Variants in RHOC observed in about 807,000 individuals in gnomAD.
The protein encoded by RHOC is ras homolog family member C.
Under a neutral mutation model 19.5 loss-of-function variants are expected in RHOC, and 13 were observed. The ratio of observed to expected loss-of-function variants is 0.67; its 90% CI spans 0.43 to 1.06. The LOEUF (loss-of-function observed/expected upper bound fraction) is 1.06. Ranked by LOEUF, RHOC falls within the 50% of genes least tolerant of loss-of-function variation. The pLI is 0.00. For synonymous variants in RHOC, 106 were observed against 97.3 expected (o/e 1.09, Z -0.52); for missense variants, 173 against 256.9 (o/e 0.67, Z 2.23).
intron 3 of RHOC, 85 bp downstream of exon 3, chr1:112,703,559 A>G: frequency 9.4e-7 from 1 of 1,062,370 alleles, no homozygotes; most frequent in South Asian, 1.4e-5. Context: ...AGACAGGGGT[A>G]GGAATGGGGA....
chr1:112,707,114 C>G lies in RHOC; in HGVS notation c.-113G>C, dbSNP rs1674923738. On this transcript the variant is annotated 5_prime_UTR_variant, in exon 1 of 6. Transcript: ENST00000339083. The stretch of plus-strand genomic sequence containing the variant: ...CCGCCTCCAGCTGCGCGGCCGGTGC[C>G]GGAGGCTCAGACTGACCCCAGGGCC... 4 of 151,892 alleles carry G rather than the reference C, an allele frequency of 2.6e-5. No individual in the cohort carries two copies. The highest frequency in any genetic ancestry group is 2.0e-4 in the Admixed American group (3 of 15,266). The allele number at this position is 151,892 out of a possible 1,614,324, so 9.4% of individuals were successfully genotyped here.
intron 3 of RHOC, 191 bp downstream of exon 3, chr1:112,703,453 C>G (rs1674730686): frequency 5.5e-6 from 4 of 731,196 alleles, no homozygotes; most frequent in Non-Finnish European, 9.7e-6. Flanking sequence ...GGTTACAGAG[C>G]CAGTCTGTGG....
rs1282232101 is a variant in RHOC, at chr1:112,702,713, C to T, written c.278-20G>A. 1.2e-6 allele frequency: 2 copies of T among 1,613,888 alleles called. No homozygotes were observed. Among genetic ancestry groups the T allele is most frequent in the African/African-American group, 1.3e-5 (1 of 74,986 alleles). On this transcript the variant is annotated intron_variant, in intron 4 of 5. Coordinates refer to ENST00000339083, the MANE Select transcript of RHOC (RefSeq NM_175744.5). The stretch of plus-strand genomic sequence containing the variant: ...TGTTTTCTGTGTAGACATGCACCAA[C>T]AGGTGTCGGTGCCTCCACTTAAGCT...
intron 2 of RHOC, 112 bp downstream of exon 2, chr1:112,704,988 T>C (rs1370979373): frequency 3.0e-6 from 2 of 663,276 alleles, no homozygotes; most frequent in African/African-American, 3.5e-5. Flanking sequence ...GGAGTCAGCT[T>C]CCCGGGCTTC....
intron 1 of RHOC, among the ~76,000 whole-genome samples, chr1:112,706,426 T>TA (rs1557780339): frequency 1.8e-5 from 1 of 54,800 alleles, no homozygotes; most frequent in African/African-American, 6.4e-5. Flanking sequence ...TCTCTCTCTC[T>TA]CTCTACACAC....
chr1:112,702,718 G>C, intron 4 of RHOC, 25 bp from the exon 5 acceptor site: 1 of 1,613,518 alleles, frequency 6.2e-7, no homozygotes. Flanking sequence ...ACCAACAGGT[G>C]TCGGTGCCTC....
At position 112,705,159 on chromosome 1, in the gene RHOC, G is replaced by C; in HGVS notation, c.-67C>G. On this transcript the variant is annotated 5_prime_UTR_variant, in exon 2 of 6. Transcript: ENST00000339083. Reference sequence around the variant, plus strand: ...AGAGGGCGGGCTCTGGAGCTGAGATGAAGTCAAGGCTGTTGGGAAGGGGGA... The same window carrying C: ...AGAGGGCGGGCTCTGGAGCTGAGATCAAGTCAAGGCTGTTGGGAAGGGGGA... 7.1e-6 allele frequency: 5 copies of C among 702,440 alleles called. No homozygotes were observed. The highest frequency in any genetic ancestry group is 1.3e-5 in the Non-Finnish European group (5 of 384,904). The allele number at this position is 702,440 out of a possible 1,614,324, so 43.5% of individuals were successfully genotyped here.
In RHOC at chr1:112,705,080, C is replaced by T. The variant is rs1038790423; in HGVS notation, c.-8+20G>A. 2 of 702,586 alleles carry T rather than the reference C, an allele frequency of 2.8e-6. No individual in the cohort carries two copies. Among genetic ancestry groups the T allele is most frequent in the Non-Finnish European group, 5.2e-6 (2 of 384,818 alleles). The allele number at this position is 702,586 out of a possible 1,614,324, so 43.5% of individuals were successfully genotyped here. On this transcript the variant is annotated intron_variant, in intron 2 of 5. Transcript: ENST00000339083. ...TCGCAGCTTCCCTCACTTCCTCCTT[C>T]CCTGGGGAGGGGAACTGACCTCCAG...
rs922959307 is a variant in RHOC, at chr1:112,705,135, G to A, written c.-43C>T. ...CTGAAGTTCCCAGGCTGCAGGAAGA[G>A]AGGGCGGGCTCTGGAGCTGAGATGA... On this transcript the variant is annotated 5_prime_UTR_variant, in exon 2 of 6. Transcript: ENST00000339083. 4.3e-6 allele frequency: 3 copies of A among 702,402 alleles called. No individual in the cohort carries two copies. Among genetic ancestry groups the A allele is most frequent in the African/African-American group, 1.7e-5 (1 of 57,246 alleles). The allele number at this position is 702,402 out of a possible 1,614,324, so 43.5% of individuals were successfully genotyped here. A position where few individuals can be genotyped will look rare whatever the true frequency, so the allele number is the denominator to read the frequency against.
chr1:112,706,430 T>TACACACACACACACACACAC (rs149206424), intron 1 of RHOC, among the ~76,000 whole-genome samples: 2 of 49,694 alleles, frequency 4.0e-5, no homozygotes, highest in Non-Finnish European at 8.1e-5. Context: ...TCTCTCTCTC[T>TACACACACACACACACACAC]ACACACACAC....
Position 112,702,753 on chromosome 1 carries a change from G to T in RHOC, c.278-60C>A, listed in dbSNP as rs1570830201. 3 of 1,604,012 alleles carry T rather than the reference G, an allele frequency of 1.9e-6. No individual in the cohort carries two copies. The Admixed American group carries it at 5.0e-5, about 27-fold the overall frequency. On this transcript the variant is annotated intron_variant, in intron 4 of 5. Transcript: ENST00000339083. ...CCACTTAAGCTAGAAAGCTCCCCTG[G>T]GGGGGCCCTCATCTTCCCAGAGCAG... is the stretch of plus-strand genomic sequence containing the variant.
intron 1 of RHOC, among the ~76,000 whole-genome samples, chr1:112,706,436 CA>C (rs1422635122): frequency 3.2e-5 from 1 of 30,924 alleles, no homozygotes; most frequent in Non-Finnish European, 7.7e-5. Flanking sequence ...TCTCTACACA[CA>C]CACACACACA....
Position 112,701,485 on chromosome 1 carries a change from A to G in RHOC, c.*55T>C. On this transcript the variant is annotated 3_prime_UTR_variant, in exon 6 of 6. Coordinates refer to ENST00000339083, the MANE Select transcript of RHOC (RefSeq NM_175744.5). Reference sequence around the variant, plus strand: ...CTCAGGAGGCTGGGGTTGTAGGGGGATAATTTCTGTACCCCTGTGAAGGGA... The same window carrying G: ...CTCAGGAGGCTGGGGTTGTAGGGGGGTAATTTCTGTACCCCTGTGAAGGGA... 6.2e-7 allele frequency: 1 copy of G among 1,613,810 alleles called. No individual in the cohort carries two copies. Among genetic ancestry groups the G allele is most frequent in the Non-Finnish European group, 8.5e-7 (1 of 1,179,828 alleles).
At position 112,701,346 on chromosome 1, in the gene RHOC, AG is replaced by A; in HGVS notation, c.*193del. ...GGGGCCCTGAGGAAGGGCAGGGCAT[AG>A]GCGTGGCTCCCAGAGCGCTGGGAGG... On this transcript the variant is annotated 3_prime_UTR_variant, in exon 6 of 6. Transcript: ENST00000339083. The A allele has an allele frequency of 2.7e-6, 4 of 1,476,988 alleles. No homozygotes were observed. The Middle Eastern group carries it at 7.4e-4, about 272-fold the overall frequency. 91.5% of individuals were successfully genotyped at this position (1,476,988 alleles called of 1,614,324 possible). A position where few individuals can be genotyped will look rare whatever the true frequency, so the allele number is the denominator to read the frequency against.
At chr1:112,704,852 A>G in intron 2 of RHOC, 1 of 551,068 alleles carries the variant, frequency 1.8e-6, no homozygotes, top group South Asian at 2.2e-5. Context: ...CCACACATCT[A>G]CCACAGCACA....
At chr1:112,706,467 CACACACACACACACACACACACACA>C (rs1557780648) in intron 1 of RHOC, among the ~76,000 whole-genome samples, 28 of 2,932 alleles carry the variant, frequency 9.5e-3, no homozygotes, top group Admixed American at 0.031. Flanking sequence ...ACACACACCA[CACACACACACACACACACACACACA>C]CACACACACA....
In RHOC at chr1:112,703,804, G is replaced by A. The variant is rs761643994; in HGVS notation, c.-5C>T. The A allele has an allele frequency of 1.2e-5, 19 of 1,608,600 alleles. 1 individual carries two copies. Among genetic ancestry groups the A allele is most frequent in the Non-Finnish European group, 1.4e-5 (16 of 1,178,024 alleles). On this transcript the variant is annotated splice_region_variant and 5_prime_UTR_variant, in exon 3 of 6. Transcript: ENST00000339083. ...CTTCTTTCGGATTGCAGCCATGGTG[G>A]GGCTGCCAGGAAAGACGTATTGGGG...
chr1:112,706,430 T>TCTACACACACACACACAC lies in RHOC; in HGVS notation c.-77+647_-77+648insGTGTGTGTGTGTGTGTAG, dbSNP rs1491269480. Reference sequence around the variant, plus strand: ...CATTTTCTCTCTCTCTCTCTCTCTCTACACACACACACACACACACACACA... The same window carrying TCTACACACACACACACAC: ...CATTTTCTCTCTCTCTCTCTCTCTCTCTACACACACACACACACACACACACACACACACACACACACA... On this transcript the variant is annotated intron_variant, in intron 1 of 5. Coordinates refer to ENST00000339083, the MANE Select transcript of RHOC (RefSeq NM_175744.5). Among the ~76,000 whole-genome samples the TCTACACACACACACACAC allele has an allele frequency of 1.2e-4, 6 of 49,698 alleles. 1 individual carries two copies. The highest frequency in any genetic ancestry group is 8.1e-5 in the Non-Finnish European group (2 of 24,674). 32.6% of individuals were successfully genotyped at this position (49,698 alleles called of 152,430 possible). A position where few individuals can be genotyped will look rare whatever the true frequency, so the allele number is the denominator to read the frequency against.
chr1:112,705,705 C>T (rs1674814511), intron 1 of RHOC: 15 of 455,778 alleles, frequency 3.3e-5, no homozygotes, highest in South Asian at 2.3e-4. Context: ...CTTCCAACTC[C>T]TCCACCCACT....
Sources: allele counts gnomAD v4.1 joint callset (sites outside exome capture counted in the v4.1 genomes callset), GRCh38; gene constraint gnomAD v4.1.1; transcripts MANE v1.5; gene names NCBI Gene and HGNC (gene_info 2026-07-23, HGNC 2026-07-21).